The following C1orf87 variants were observed in gnomAD, a reference collection of about 807,000 sequenced individuals.
C1orf87 encodes the protein uncharacterized protein C1orf87.
Under a neutral mutation model 60.5 loss-of-function variants are expected in C1orf87, and 58 were observed. The observed-to-expected ratio is 0.96, with a 90% CI of 0.78 to 1.19. C1orf87 has a LOEUF of 1.19. Ranked by LOEUF, C1orf87 falls within the 50% of genes most tolerant of loss-of-function variation. C1orf87 has a pLI of 0.00. For synonymous variants in C1orf87, 236 were observed against 227.4 expected, an observed-to-expected ratio of 1.04 and a Z score of -0.34; for missense variants, 673 against 638.6, an observed-to-expected ratio of 1.05 and a Z score of -0.58.
chr1:60,033,327 G>A, intron 7 of C1orf87, 149 bp downstream of exon 7: 2 of 687,906 alleles, frequency 2.9e-6, no homozygotes, highest in East Asian at 6.0e-5. Flanking sequence ...TTTCTGCCTT[G>A]TTTTTCACTT....
chr1:60,061,002 ATGATCTC>A (rs1645493054), intron 2 of C1orf87, among the ~76,000 whole-genome samples: 1 of 152,140 alleles, frequency 6.6e-6, no homozygotes, highest in African/African-American at 2.4e-5. Context: ...CTCTTCACCA[ATGATCTC>A]TGTGCTGTAG....
Position 60,066,842 on chromosome 1 carries a change from T to A in C1orf87, c.107+5695A>T, listed in dbSNP as rs149901676. Reference sequence around the variant, plus strand: ...CCCTCCCCTTCCCCCAACCCCCCACTGACAAGCCCTGGTGTGTGATGTTCC... The same window carrying A: ...CCCTCCCCTTCCCCCAACCCCCCACAGACAAGCCCTGGTGTGTGATGTTCC... On this transcript the variant is annotated intron_variant, in intron 2 of 11. Transcript: ENST00000371201. Among the ~76,000 whole-genome samples, 720 of 151,884 alleles carry A rather than the reference T, an allele frequency of 4.7e-3. 4 individuals carry two copies. Among genetic ancestry groups the A allele is most frequent in the Middle Eastern group, 0.017 (5 of 294 alleles).
chr1:60,068,020 A>G (rs943829107), intron 2 of C1orf87, among the ~76,000 whole-genome samples: 3 of 152,108 alleles, frequency 2.0e-5, no homozygotes, highest in Non-Finnish European at 4.4e-5. Context: ...TTTGTTGAAG[A>G]TTGGATGGTT....
At chr1:60,021,218 C>T (rs1250442904) in intron 8 of C1orf87, among the ~76,000 whole-genome samples, 1 of 152,160 alleles carries the variant, frequency 6.6e-6, no homozygotes, top group Non-Finnish European at 1.5e-5. Context: ...CAGGTAGTTC[C>T]TGTAGTTCCT....
At chr1:60,018,774 A>G (rs376247655) in intron 8 of C1orf87, among the ~76,000 whole-genome samples, 1 of 152,214 alleles carries the variant, frequency 6.6e-6, no homozygotes, top group East Asian at 1.9e-4. Flanking sequence ...AAATTCATTG[A>G]CTAAGCTCAA....
intron 10 of C1orf87, among the ~76,000 whole-genome samples, chr1:60,000,352 A>G (rs1290680477): frequency 6.6e-6 from 1 of 152,154 alleles, no homozygotes; most frequent in Non-Finnish European, 1.5e-5. Flanking sequence ...CTTATTCACA[A>G]CAGACTTAAC....
At chr1:60,028,866 C>T (rs1233405758) in intron 7 of C1orf87, among the ~76,000 whole-genome samples, 2 of 151,834 alleles carry the variant, frequency 1.3e-5, no homozygotes, top group Non-Finnish European at 2.9e-5. Flanking sequence ...TCCCATGTCT[C>T]CTTTGATTGT....
intron 8 of C1orf87, among the ~76,000 whole-genome samples, chr1:60,014,092 C>A (rs75429766): frequency 0.02 from 3,003 of 152,218 alleles, 51 homozygotes; most frequent in Non-Finnish European, 0.024. Flanking sequence ...TTTCTGCTGT[C>A]ATTCTTGATA....
chr1:60,015,577 C>G (rs955034085), intron 8 of C1orf87, among the ~76,000 whole-genome samples: 1 of 152,132 alleles, frequency 6.6e-6, no homozygotes, highest in Non-Finnish European at 1.5e-5. Context: ...AGGCCTATTT[C>G]CTTGGCTTGC....
intron 3 of C1orf87, among the ~76,000 whole-genome samples, chr1:60,054,433 T>C (rs1245152257): frequency 1.3e-5 from 2 of 152,234 alleles, no homozygotes; most frequent in Non-Finnish European, 2.9e-5. Context: ...TAGAAAGGGC[T>C]ATTAAAATTA....
intron 2 of C1orf87, among the ~76,000 whole-genome samples, chr1:60,059,083 T>TA (rs1000157856): frequency 9.2e-5 from 14 of 151,428 alleles, no homozygotes; most frequent in East Asian, 3.9e-4. Flanking sequence ...AAGCTGTATT[T>TA]AAAAAAAAAT....
At chr1:60,036,554 G>T (rs1209751515) in intron 6 of C1orf87, among the ~76,000 whole-genome samples, 1 of 152,070 alleles carries the variant, frequency 6.6e-6, no homozygotes, top group Non-Finnish European at 1.5e-5. Flanking sequence ...TATTAACTCA[G>T]TTACTATTAC....
chr1:60,044,905 G>A (rs1645355029), intron 3 of C1orf87, among the ~76,000 whole-genome samples: 1 of 152,108 alleles, frequency 6.6e-6, no homozygotes, highest in African/African-American at 2.4e-5. Context: ...GTTGTGTGAT[G>A]TTTGCCTAAA....
chr1:60,028,057 G>C (rs904669209), intron 7 of C1orf87, among the ~76,000 whole-genome samples: 16 of 152,112 alleles, frequency 1.1e-4, no homozygotes, highest in Non-Finnish European at 2.4e-4. Context: ...GTATATATGG[G>C]TGAAAGAGGC....
chr1:59,995,627 T>C (rs1032011756), intron 11 of C1orf87, among the ~76,000 whole-genome samples: 2 of 152,184 alleles, frequency 1.3e-5, no homozygotes, highest in Non-Finnish European at 2.9e-5. Context: ...CAGCTCAAGT[T>C]CTCTCTTTCT....
rs915488415 is a variant in C1orf87 at position 60,038,121 on chromosome 1, G to A, written c.748-14C>T. The stretch of plus-strand genomic sequence containing the variant: ...TTCATAATTCACCTGAAAATTAAAT[G>A]TAAAATAGAACATCCTCATTTAATT... On this transcript the variant is annotated splice_polypyrimidine_tract_variant and intron_variant, in intron 5 of 11. Transcript: ENST00000371201. 3 of 1,457,868 alleles carry A rather than the reference G, an allele frequency of 2.1e-6. No homozygotes were observed. Among genetic ancestry groups the A allele is most frequent in the Non-Finnish European group, 2.8e-6 (3 of 1,060,358 alleles). The allele number at this position is 1,457,868 out of a possible 1,614,324, so 90.3% of individuals were successfully genotyped here.
chr1:60,017,987 C>T (rs987617581), intron 8 of C1orf87, among the ~76,000 whole-genome samples: 3 of 152,144 alleles, frequency 2.0e-5, no homozygotes, highest in African/African-American at 7.2e-5. Flanking sequence ...GGGCTAATCC[C>T]ACATCACCAT....
At chr1:60,045,656 A>G (rs1456436968) in intron 3 of C1orf87, among the ~76,000 whole-genome samples, 1 of 152,174 alleles carries the variant, frequency 6.6e-6, no homozygotes, top group Non-Finnish European at 1.5e-5. Flanking sequence ...TTATTTCAGC[A>G]TATGTCTGTA....
intron 3 of C1orf87, among the ~76,000 whole-genome samples, chr1:60,044,455 T>A: frequency 6.6e-6 from 1 of 152,224 alleles, no homozygotes. Flanking sequence ...ATGATATATT[T>A]ATTTGTTGTA....
Sources: gnomAD v4.1 joint callset for allele counts (sites outside exome capture counted in the v4.1 genomes callset) on GRCh38, gnomAD v4.1.1 for gene constraint, MANE v1.5 for transcripts, NCBI Gene and HGNC (gene_info 2026-07-23, HGNC 2026-07-21) for gene names.